Variants in CHD8 observed in about 807,000 individuals in gnomAD.
CHD8 encodes the protein ATP-dependent chromatin remodeler CHD8.
CHD8 carries 31 observed loss-of-function variants against 279.2 expected under a neutral mutation model. The ratio of observed to expected loss-of-function variants is 0.11; its 90% CI spans 0.08 to 0.15. The LOEUF (loss-of-function observed/expected upper bound fraction) is 0.15, where lower values mean the gene tolerates loss of function less well. CHD8 is among the 10% of genes least tolerant of loss of function. The pLI, the probability that CHD8 is intolerant of heterozygous loss-of-function variation, is 1.00. For synonymous variants in CHD8, 1,081 were observed against 1,139.6 expected, an observed-to-expected ratio of 0.95 and a Z score of 1.04; for missense variants, 2,146 against 3,230.5, an observed-to-expected ratio of 0.66 and a Z score of 8.14.
rs142564496 is a variant in CHD8 at position 21,399,586 on chromosome 14, A to T, written c.4921+16T>A. 610 of 1,561,504 alleles carry T rather than the reference A, an allele frequency of 3.9e-4. 4 individuals are homozygous for T. The African/African-American group carries it at 6.4e-3, about 16-fold the overall frequency. ...ATCTTCAGTCGGAAAGGAGTAGAAT[A>T]GGAGAAGATACGTACCATGTTTAAA... On this transcript the variant is annotated intron_variant, in intron 26 of 37. Transcript: ENST00000646647.
chr14:21,412,605 T>G (rs61973174), intron 10 of CHD8, among the ~76,000 whole-genome samples: 5,275 of 152,106 alleles, frequency 0.035, 114 homozygotes, highest in African/African-American at 0.065. Flanking sequence ...CCTTTCCCCT[T>G]CCCAACACCC....
intron 1 of CHD8, among the ~76,000 whole-genome samples, chr14:21,454,548 G>A (rs1224623634): frequency 6.6e-6 from 1 of 151,980 alleles, no homozygotes; most frequent in Non-Finnish European, 1.5e-5. Flanking sequence ...GGCTGGTCTC[G>A]AACTCCTGAC....
Position 21,401,090 on chromosome 14 carries a change from G to A in CHD8, c.4174-19C>T, listed in dbSNP as rs776061338. On this transcript the variant is annotated intron_variant, in intron 21 of 37. Coordinates refer to ENST00000646647, the MANE Select transcript of CHD8 (RefSeq NM_001170629.2). ...AATTATTCTATGAAGAGAACAGAAGGAGAAGTAATTCTCTTCCTGATTTGC... is the reference window on the plus strand; with the variant it reads ...AATTATTCTATGAAGAGAACAGAAGAAGAAGTAATTCTCTTCCTGATTTGC... 2 of 1,549,062 alleles carry A rather than the reference G, an allele frequency of 1.3e-6. No homozygotes were observed. The highest frequency in any genetic ancestry group is 2.3e-5 in the East Asian group (1 of 43,762).
chr14:21,395,792 T>C, intron 28 of CHD8, 25 bp downstream of exon 28: 4 of 1,413,052 alleles, frequency 2.8e-6, no homozygotes. Context: ...TAGAGAAAAG[T>C]GAGACTCAAA....
chr14:21,442,084 G>A (rs1393222880), intron 1 of CHD8, among the ~76,000 whole-genome samples: 1 of 152,182 alleles, frequency 6.6e-6, no homozygotes, highest in Non-Finnish European at 1.5e-5. Flanking sequence ...GCAGGTCAAG[G>A]ATAGGAAAAA....
At chr14:21,414,248 A>C (rs1381541334) in intron 9 of CHD8, 53 bp downstream of exon 9, 2 of 894,668 alleles carry the variant, frequency 2.2e-6, no homozygotes, top group African/African-American at 1.7e-5. Context: ...TGACAACCCC[A>C]GTAATTTGTG....
chr14:21,416,523 T>TG (rs1237710198), intron 5 of CHD8: 2 of 152,202 alleles, frequency 1.3e-5, no homozygotes, highest in Non-Finnish European at 2.9e-5. Context: ...ACCAGCACTG[T>TG]GGGAGGCCGA....
intron 11 of CHD8, among the ~76,000 whole-genome samples, chr14:21,409,317 C>A (rs965316223): frequency 7.2e-5 from 11 of 152,102 alleles, no homozygotes; most frequent in Non-Finnish European, 1.2e-4. Context: ...GAAAATCCTA[C>A]AAAACAAATC....
At position 21,408,999 on chromosome 14, in the gene CHD8, A is replaced by G. The variant is rs897858510; in HGVS notation, c.2365-174T>C. On this transcript the variant is annotated intron_variant, in intron 11 of 37. Coordinates refer to ENST00000646647, the MANE Select transcript of CHD8 (RefSeq NM_001170629.2). This position sits in a 1 kb window ranked among gnomAD's most constrained non-coding sequence, Gnocchi z 4.3. ...GTTACTTTATGGGTCCATAATGATC[A>G]CAAATGGCTGACAACATCACAAAAC... Among the ~76,000 whole-genome samples, 1 of 152,262 alleles carries G rather than the reference A, an allele frequency of 6.6e-6. No individual in the cohort carries two copies. The highest frequency in any genetic ancestry group is 2.4e-5 in the African/African-American group (1 of 41,474).
intron 27 of CHD8, 176 bp downstream of exon 27, chr14:21,397,646 CT>C: frequency 1.7e-6 from 1 of 593,850 alleles, no homozygotes; most frequent in Non-Finnish European, 2.9e-6. Context: ...TCAGATGTAT[CT>C]TATGGCAACA....
chr14:21,444,469 T>C (rs1890063685), intron 1 of CHD8, among the ~76,000 whole-genome samples: 1 of 152,180 alleles, frequency 6.6e-6, no homozygotes, highest in Non-Finnish European at 1.5e-5. Context: ...TTCTAGATTC[T>C]AGAGTCTGAA....
intron 2 of CHD8, chr14:21,430,208 G>A (rs1889505964): frequency 6.4e-6 from 1 of 155,596 alleles, no homozygotes; most frequent in South Asian, 2.0e-4. Flanking sequence ...GATCACAGGT[G>A]AGAGACATTG....
chr14:21,429,577 G>A (rs537009654), intron 2 of CHD8: 56 of 619,318 alleles, frequency 9.0e-5, no homozygotes, highest in South Asian at 8.3e-4. Flanking sequence ...CACTACTGCT[G>A]ATCAGCAAGG....
At position 21,408,712 on chromosome 14, in the gene CHD8, C is replaced by A; in HGVS notation, c.2478G>T (p.Trp826Cys). Reference protein sequence around the residue: ...LEGVNWLLFNWYNRQNCILAD... With the variant: ...LEGVNWLLFNCYNRQNCILAD... The stretch of plus-strand genomic sequence containing the variant: ...CCCATTCTTTCCTTTACCTGTTATA[C>A]CAATTAAAGAGCAGCCAATTAACCC... The change falls in exon 12 of 38, where the codon TGG becomes TGT. Residue 826 changes from tryptophan (W) to cysteine (C), a missense_variant. Physicochemically the swap from Trp to Cys is radical, Grantham distance 215. Transcript: ENST00000646647. The surrounding 1 kb of genome is among the most constrained non-coding windows in gnomAD (Gnocchi z 4.3). 1.2e-6 allele frequency: 2 copies of A among 1,610,786 alleles called. No individual in the cohort carries two copies. The highest frequency in any genetic ancestry group is 1.7e-5 in the Admixed American group (1 of 59,572).
chr14:21,450,074 G>A (rs1890221387), intron 1 of CHD8, among the ~76,000 whole-genome samples: 1 of 152,108 alleles, frequency 6.6e-6, no homozygotes, highest in East Asian at 1.9e-4. Flanking sequence ...AAAGTTCAAT[G>A]TTTATGCAAC....
intron 21 of CHD8, 27 bp downstream of exon 21, chr14:21,401,376 A>G (rs761847846): frequency 5.8e-6 from 8 of 1,368,536 alleles, no homozygotes; most frequent in Non-Finnish European, 8.1e-6. Context: ...CTTCTGCGAT[A>G]CTTCCTCCCT....
At position 21,408,402 on chromosome 14, in the gene CHD8, T is replaced by C. The variant is rs370843859; in HGVS notation, c.2640A>G (p.Thr880=). The C allele has an allele frequency of 1.6e-5, 26 of 1,613,846 alleles. No individual in the cohort carries two copies. The highest frequency in any genetic ancestry group is 2.7e-5 in the African/African-American group (2 of 74,906). The part of the protein sequence containing the change: ...TITNWEREFN[T]WTEMNTIVYH... The stretch of plus-strand genomic sequence containing the variant: ...ACACAATAGTGTTCATTTCTGTCCA[T>C]GTATTAAATTCTCGCTCCCAGTTAG... Residue 880 remains threonine (T), a synonymous_variant, in exon 13 of 38, where the codon ACA becomes ACG. Transcript: ENST00000646647. This position sits in a 1 kb window ranked among gnomAD's most constrained non-coding sequence, Gnocchi z 4.3.
rs1392208482 is a variant in CHD8, at chr14:21,399,996, C to G, written c.4802G>C (p.Gly1601Ala). The change falls in exon 25 of 38, where the codon GGG (glycine) becomes GCG (alanine). Residue 1601 changes from glycine (G) to alanine (A), a missense_variant. Gly to Ala is a moderately conservative substitution (Grantham distance 60, BLOSUM62 0). Around this residue, in one of 26 missense-constraint regions of CHD8, gnomAD observed 33 missense variants for 34.8 expected, o/e 0.95. Coordinates refer to ENST00000646647, the MANE Select transcript of CHD8 (RefSeq NM_001170629.2). The stretch of plus-strand genomic sequence containing the variant: ...AGAATTTTACCTGGCAATCGCACCC[C>G]CTAACACCTTTTCTGCTTGGTCTCC... ...VIGDQAEKVL[G>A]GAIASEIDIW... The G allele has an allele frequency of 1.9e-6, 3 of 1,613,052 alleles. No individual in the cohort carries two copies. Among genetic ancestry groups the G allele is most frequent in the Non-Finnish European group, 1.7e-6 (2 of 1,179,806 alleles).
chr14:21,420,576 A>G (rs1888983905), intron 5 of CHD8, among the ~76,000 whole-genome samples: 2 of 152,352 alleles, frequency 1.3e-5, no homozygotes, highest in South Asian at 2.1e-4. Context: ...GGGTATATCT[A>G]TCTTTTCCAC....
Sources: gnomAD v4.1 joint callset for allele counts (sites outside exome capture counted in the v4.1 genomes callset) on GRCh38, gnomAD v4.1.1 for gene constraint, gnomAD v4.1.1 regional missense constraint, Gnocchi (gnomAD v3.1) non-coding constraint, MANE v1.5 for transcripts, NCBI Gene and HGNC (gene_info 2026-07-23, HGNC 2026-07-21) for gene names.